MED13: variants seen among roughly 807,000 people sequenced by gnomAD.
The protein encoded by MED13 is mediator of RNA polymerase II transcription subunit 13.
Under a neutral mutation model 225.2 loss-of-function variants are expected in MED13, and 23 were observed. The ratio of observed to expected loss-of-function variants is 0.10; its 90% CI spans 0.07 to 0.14. The LOEUF is 0.14. Ranked by LOEUF, MED13 falls within the 10% of genes least tolerant of loss-of-function variation. MED13 has a pLI of 1.00. For synonymous variants in MED13, 942 were observed against 889.2 expected, an observed-to-expected ratio of 1.06 and a Z score of -1.06; for missense variants, 2,197 against 2,594.5, an observed-to-expected ratio of 0.85 and a Z score of 3.33.
chr17:62,060,125 C>G (rs537618442), intron 2 of MED13, among the ~76,000 whole-genome samples: 1 of 152,052 alleles, frequency 6.6e-6, no homozygotes, highest in African/African-American at 2.4e-5. Context: ...AACCCCATCT[C>G]TACTAAAAAT....
At chr17:62,051,419 T>A (rs2080955925) in intron 3 of MED13, among the ~76,000 whole-genome samples, 3 of 152,160 alleles carry the variant, frequency 2.0e-5, no homozygotes, top group Admixed American at 2.0e-4. Flanking sequence ...ACTATCGACC[T>A]CCATACTGCT....
intron 12 of MED13, among the ~76,000 whole-genome samples, chr17:61,986,532 T>C (rs546637821): frequency 6.7e-4 from 102 of 152,324 alleles, no homozygotes; most frequent in African/African-American, 1.9e-3. Flanking sequence ...TCCTCTTTTA[T>C]TGTTATATCA....
intron 11 of MED13, among the ~76,000 whole-genome samples, chr17:61,988,238 A>G (rs2080265340): frequency 6.6e-6 from 1 of 152,158 alleles, no homozygotes; most frequent in Non-Finnish European, 1.5e-5. Flanking sequence ...TTCGCCCAGT[A>G]CTAGGTGCTT....
intron 3 of MED13, among the ~76,000 whole-genome samples, chr17:62,042,435 G>C (rs868079270): frequency 7.9e-5 from 12 of 150,984 alleles, no homozygotes; most frequent in African/African-American, 2.7e-4. Context: ...GGTGGCACAC[G>C]CCTGTAGTCC....
In MED13 at chr17:62,037,568, G is replaced by A. The variant is rs556111152; in HGVS notation, c.471-1960C>T. ...TGTAATCCCAGCTACTCAGGAGGCT[G>A]AGGCATGAGAATCGCTTGAACCCAG... On this transcript the variant is annotated intron_variant, in intron 3 of 29. Transcript: ENST00000397786. Among the ~76,000 whole-genome samples the A allele has an allele frequency of 6.6e-5, 10 of 150,992 alleles. No individual in the cohort carries two copies. In the East Asian group the frequency reaches 1.8e-3, roughly 27 times the overall value.
intron 8 of MED13, among the ~76,000 whole-genome samples, chr17:62,023,326 G>C (rs1231658894): frequency 1.3e-5 from 2 of 152,110 alleles, no homozygotes; most frequent in Non-Finnish European, 2.9e-5. Flanking sequence ...ATACAAAACA[G>C]AGGAAAGTGA....
At chr17:61,953,165 G>T in intron 26 of MED13, 52 bp from the exon 27 acceptor site, 1 of 1,540,424 alleles carries the variant, frequency 6.5e-7, no homozygotes, top group Non-Finnish European at 8.8e-7. Flanking sequence ...ATATCCTATG[G>T]TCATTCACAG....
intron 3 of MED13, among the ~76,000 whole-genome samples, chr17:62,042,039 G>A (rs1006303526): frequency 2.6e-5 from 4 of 152,272 alleles, no homozygotes; most frequent in East Asian, 3.9e-4. Flanking sequence ...CTCTCCAGGT[G>A]ATTCCCACAT....
At chr17:62,057,097 CTCCACGGTGGTAAAAAATGAAT>C (rs1173478993) in intron 2 of MED13, among the ~76,000 whole-genome samples, 1 of 152,142 alleles carries the variant, frequency 6.6e-6, no homozygotes, top group Non-Finnish European at 1.5e-5. Context: ...CTTTAAATAT[CTCCACGGTGGTAAAAAATGAAT>C]CTTCTCCAAT....
intron 4 of MED13, among the ~76,000 whole-genome samples, chr17:62,034,443 C>T (rs1281501407): frequency 6.8e-6 from 1 of 147,186 alleles, no homozygotes; most frequent in Non-Finnish European, 1.5e-5. Flanking sequence ...GCCAAGATGG[C>T]ACCACTGCAC....
intron 9 of MED13, among the ~76,000 whole-genome samples, chr17:62,002,894 T>C (rs2080409222): frequency 6.6e-6 from 1 of 152,352 alleles, no homozygotes; most frequent in African/African-American, 2.4e-5. Flanking sequence ...TTAAAGTACC[T>C]TAACACTTCT....
Position 62,029,525 on chromosome 17 carries a change from T to C in MED13, c.1283+16A>G, listed in dbSNP as rs774549340. 1 of 1,594,434 alleles carries C rather than the reference T, an allele frequency of 6.3e-7. No individual in the cohort carries two copies. Among genetic ancestry groups the C allele is most frequent in the South Asian group, 1.1e-5 (1 of 90,494 alleles). Reference sequence around the variant, plus strand: ...ACTATCACACATAGGCATCAATCGATCGGGAAATAATCTACCTCAAACAAC... The same window carrying C: ...ACTATCACACATAGGCATCAATCGACCGGGAAATAATCTACCTCAAACAAC... On this transcript the variant is annotated intron_variant, in intron 8 of 29. Transcript: ENST00000397786.
At chr17:61,972,579 G>GGGAAAAAAAGCTA in intron 17 of MED13, 148 bp downstream of exon 17, 1 of 699,518 alleles carries the variant, frequency 1.4e-6, no homozygotes, top group Non-Finnish European at 2.3e-6. Context: ...TGGAAATGGT[G>GGGAAAAAAAGCTA]GGAAAAAAAG....
intron 16 of MED13, among the ~76,000 whole-genome samples, chr17:61,980,769 G>A (rs983578877): frequency 6.6e-6 from 1 of 152,062 alleles, no homozygotes; most frequent in Non-Finnish European, 1.5e-5. Flanking sequence ...GCAACAGAGT[G>A]TCTTGCTCTG....
intron 20 of MED13, among the ~76,000 whole-genome samples, chr17:61,964,356 G>A (rs930930717): frequency 2.6e-5 from 4 of 151,606 alleles, no homozygotes; most frequent in African/African-American, 9.7e-5. Context: ...GCAGATTGCT[G>A]AGTCCAAGAG....
rs34144792 is a variant in MED13, at chr17:61,955,422, A to G, written c.5928T>C (p.Tyr1976=). The G allele has an allele frequency of 6.5e-4, 1,034 of 1,583,166 alleles. 6 individuals are homozygous for G. In the African/African-American group the frequency reaches 0.013, roughly 19 times the overall value. The change falls in exon 26 of 30, where the codon TAT becomes TAC. Residue 1976 remains tyrosine (Y), a synonymous_variant. Coordinates refer to ENST00000397786, the MANE Select transcript of MED13 (RefSeq NM_005121.3). ...AAGCTAAATCCAAATTTTCAGTGGT[A>G]TAAGTAGCTGAAGCTACTTGCACAG... is the stretch of plus-strand genomic sequence containing the variant. ...SASVQVASAT[Y]TTENLDLAFN...
At chr17:61,968,399 C>G in intron 17 of MED13, 141 bp from the exon 18 acceptor site, 1 of 573,498 alleles carries the variant, frequency 1.7e-6, no homozygotes, top group Non-Finnish European at 2.7e-6. Context: ...CATCTCGGCT[C>G]ACTGCAAGCT....
chr17:61,978,842 G>A (rs1385363573), intron 16 of MED13, among the ~76,000 whole-genome samples: 1 of 152,136 alleles, frequency 6.6e-6, no homozygotes, highest in South Asian at 2.1e-4. Context: ...ATGAATAATT[G>A]GATAAATGCT....
At position 61,961,570 on chromosome 17, in the gene MED13, T is replaced by C; in HGVS notation, c.5256+18A>G. ...ATGTATAGTCATTGAACTTCGGTCA[T>C]GAAAAACATATACTTACATCAGGAC... On this transcript the variant is annotated intron_variant, in intron 22 of 29. Transcript: ENST00000397786. 1 of 1,533,904 alleles carries C rather than the reference T, an allele frequency of 6.5e-7. No individual in the cohort carries two copies. The highest frequency in any genetic ancestry group is 8.9e-7 in the Non-Finnish European group (1 of 1,120,996).
Sources: gnomAD v4.1 joint callset for allele counts (sites outside exome capture counted in the v4.1 genomes callset) on GRCh38, gnomAD v4.1.1 for gene constraint, MANE v1.5 for transcripts, NCBI Gene and HGNC (gene_info 2026-07-23, HGNC 2026-07-21) for gene names.